Variants in RAVER2 observed in about 807,000 individuals in gnomAD.
RAVER2 encodes the protein ribonucleoprotein, PTB binding 2, also known as ribonucleoprotein PTB-binding 2.
Under a neutral mutation model 78.1 loss-of-function variants are expected in RAVER2, and 46 were observed. The ratio of observed to expected loss-of-function variants is 0.59; its 90% CI spans 0.46 to 0.75. The LOEUF (loss-of-function observed/expected upper bound fraction) is 0.75. Ranked by LOEUF, RAVER2 falls within the 30% of genes least tolerant of loss-of-function variation. The pLI, the probability that RAVER2 is intolerant of heterozygous loss-of-function variation, is 0.00. For synonymous variants in RAVER2, 311 were observed against 313.3 expected (o/e 0.99, Z 0.08); for missense variants, 793 against 837.5 (o/e 0.95, Z 0.66).
intron 9 of RAVER2, among the ~76,000 whole-genome samples, chr1:64,808,159 T>C (rs1160915496): frequency 6.6e-6 from 1 of 152,178 alleles, no homozygotes; most frequent in Non-Finnish European, 1.5e-5. Context: ...TGGAAGATTT[T>C]ACCGAATCAT....
At chr1:64,764,231 A>G (rs181963817) in intron 1 of RAVER2, among the ~76,000 whole-genome samples, 1 of 152,292 alleles carries the variant, frequency 6.6e-6, no homozygotes, top group African/African-American at 2.4e-5. Context: ...GCAAGAGACA[A>G]AAATATCCAT....
At chr1:64,778,367 T>G (rs1652532195) in intron 3 of RAVER2, among the ~76,000 whole-genome samples, 1 of 152,194 alleles carries the variant, frequency 6.6e-6, no homozygotes, top group South Asian at 2.1e-4. Flanking sequence ...CATTTTTCCA[T>G]CAATCCATTT....
chr1:64,805,134 A>G, intron 8 of RAVER2, 29 bp downstream of exon 8: 2 of 1,571,274 alleles, frequency 1.3e-6, no homozygotes, highest in Non-Finnish European at 1.8e-6. Flanking sequence ...CTGAGAAGTC[A>G]GTAAACAGTC....
chr1:64,782,673 C>T lies in RAVER2; in HGVS notation c.978+1102C>T, dbSNP rs1652663561. On this transcript the variant is annotated intron_variant, in intron 4 of 11. Transcript: ENST00000294428. ...AAGTGAGTAGTCACTCTAGGTGGAA[C>T]AGAAACTACTCATACAGTGCTTGAG... is the stretch of plus-strand genomic sequence containing the variant. 2.0e-5 allele frequency among the ~76,000 whole-genome samples: 3 copies of T among 152,220 alleles called. No homozygotes were observed. The South Asian group carries it at 6.2e-4, about 31-fold the overall frequency.
intron 1 of RAVER2, among the ~76,000 whole-genome samples, chr1:64,752,272 C>T (rs1651722013): frequency 6.6e-6 from 1 of 152,206 alleles, no homozygotes; most frequent in South Asian, 2.1e-4. Context: ...AGCATTTATT[C>T]ACCCAGCATT....
At chr1:64,777,319 A>G (rs990654725) in intron 2 of RAVER2, among the ~76,000 whole-genome samples, 22 of 152,156 alleles carry the variant, frequency 1.4e-4, no homozygotes, top group African/African-American at 4.8e-4. Flanking sequence ...ATTGGAAAAG[A>G]CTACCAAAAA....
chr1:64,797,879 T>A (rs1553154558), intron 5 of RAVER2, among the ~76,000 whole-genome samples: 1 of 152,080 alleles, frequency 6.6e-6, no homozygotes, highest in Non-Finnish European at 1.5e-5. Context: ...TACTGGCTAC[T>A]CCATCAATAA....
At chr1:64,770,834 T>C (rs1296947986) in intron 2 of RAVER2, among the ~76,000 whole-genome samples, 1 of 151,684 alleles carries the variant, frequency 6.6e-6, no homozygotes, top group African/African-American at 2.4e-5. Context: ...GAATAGACAC[T>C]GTGGAAGAAA....
intron 2 of RAVER2, among the ~76,000 whole-genome samples, chr1:64,772,677 A>G (rs1200981729): frequency 2.0e-5 from 3 of 152,210 alleles, no homozygotes; most frequent in Non-Finnish European, 4.4e-5. Flanking sequence ...AAAAGGTTCT[A>G]GGTATCCTAA....
intron 5 of RAVER2, among the ~76,000 whole-genome samples, chr1:64,793,580 A>G (rs1332838706): frequency 6.6e-6 from 1 of 152,250 alleles, no homozygotes; most frequent in Non-Finnish European, 1.5e-5. Context: ...GGAATAGTTT[A>G]TGTACATTAA....
At chr1:64,795,682 C>G (rs1653076468) in intron 5 of RAVER2, among the ~76,000 whole-genome samples, 1 of 152,002 alleles carries the variant, frequency 6.6e-6, no homozygotes, top group Non-Finnish European at 1.5e-5. Flanking sequence ...TTGCTAAACT[C>G]ACTTATTATT....
intron 5 of RAVER2, among the ~76,000 whole-genome samples, chr1:64,801,562 G>A (rs1653266714): frequency 6.6e-6 from 1 of 150,808 alleles, no homozygotes; most frequent in Non-Finnish European, 1.5e-5. Context: ...ATTAAGAAAG[G>A]GAAGCAATAA....
chr1:64,828,585 T>C (rs1654051262), intron 11 of RAVER2, among the ~76,000 whole-genome samples: 1 of 152,158 alleles, frequency 6.6e-6, no homozygotes, highest in Admixed American at 6.5e-5. Context: ...GTTAGATATC[T>C]TTGATAGGGC....
intron 11 of RAVER2, among the ~76,000 whole-genome samples, chr1:64,830,281 C>G (rs1654092553): frequency 6.6e-6 from 1 of 152,224 alleles, no homozygotes; most frequent in Non-Finnish European, 1.5e-5. Context: ...TGAAAACCTG[C>G]ATTTTAATAT....
intron 11 of RAVER2, among the ~76,000 whole-genome samples, chr1:64,826,441 CAG>C (rs1420736278): frequency 6.6e-6 from 1 of 152,080 alleles, no homozygotes; most frequent in Non-Finnish European, 1.5e-5. Flanking sequence ...ATTCCAGGGA[CAG>C]GGAACAGCAA....
chr1:64,779,112 A>C (rs1652556156), intron 3 of RAVER2, among the ~76,000 whole-genome samples: 1 of 151,774 alleles, frequency 6.6e-6, no homozygotes, highest in Non-Finnish European at 1.5e-5. Context: ...GTATTACCTC[A>C]CATAGTTATC....
chr1:64,809,425 T>C (rs997983257), intron 9 of RAVER2, among the ~76,000 whole-genome samples: 1 of 152,086 alleles, frequency 6.6e-6, no homozygotes, highest in African/African-American at 2.4e-5. Context: ...CCTGCATCTT[T>C]AATATTGTGT....
intron 11 of RAVER2, among the ~76,000 whole-genome samples, chr1:64,830,347 G>A (rs975738377): frequency 6.6e-5 from 10 of 152,156 alleles, no homozygotes; most frequent in African/African-American, 2.4e-4. Context: ...TTGCTCTCTA[G>A]AATGTTTCAT....
At chr1:64,748,689 A>G (rs1651611201) in intron 1 of RAVER2, among the ~76,000 whole-genome samples, 1 of 152,208 alleles carries the variant, frequency 6.6e-6, no homozygotes, top group Non-Finnish European at 1.5e-5. Flanking sequence ...AATGTACTAT[A>G]TTTGACTTTT....
Sources: gnomAD v4.1 joint callset for allele counts (sites outside exome capture counted in the v4.1 genomes callset) on GRCh38, gnomAD v4.1.1 for gene constraint, MANE v1.5 for transcripts, NCBI Gene and HGNC (gene_info 2026-07-23, HGNC 2026-07-21) for gene names.